GOLGA8A: variants seen among roughly 807,000 people sequenced by gnomAD.
GOLGA8A encodes the protein golgin A8 family member A.
Under a neutral mutation model 22.1 loss-of-function variants are expected in GOLGA8A, and 3 were observed. That is an observed-to-expected ratio of 0.14 (90% CI 0.06 to 0.35). The LOEUF (loss-of-function observed/expected upper bound fraction) is 0.35, where lower values mean the gene tolerates loss of function less well. GOLGA8A is among the 10% of genes least tolerant of loss of function. The pLI is 1.00. For missense variants in GOLGA8A, 16 were observed against 233.2 expected (o/e 0.07, Z 6.07); for synonymous variants, 7 against 91.7 (o/e 0.08, Z 5.28).
intron 2 of GOLGA8A, among the ~76,000 whole-genome samples, chr15:34,423,088 CCAGG>C (rs1188762315): frequency 3.1e-5 from 4 of 128,848 alleles, no homozygotes; most frequent in Non-Finnish European, 6.9e-5. Flanking sequence ...TAACAAACAC[CCAGG>C]CCTTGGACCC....
chr15:34,431,720 G>A lies in GOLGA8A; in HGVS notation c.-1123+3663C>T, dbSNP rs1210233950. On this transcript the variant is annotated intron_variant, in intron 2 of 24. Transcript: ENST00000359187. Reference sequence around the variant, plus strand: ...GGAAGTTGCTCGGGTGAGTCAGTCCGTACACTAGTGCAGACTTTATAGACA... The same window carrying A: ...GGAAGTTGCTCGGGTGAGTCAGTCCATACACTAGTGCAGACTTTATAGACA... Among the ~76,000 whole-genome samples the A allele has an allele frequency of 9.4e-5, 14 of 148,542 alleles. 1 individual carries two copies. The highest frequency in any genetic ancestry group is 6.8e-4 in the Admixed American group (10 of 14,730).
chr15:34,425,665 G>A lies in GOLGA8A; in HGVS notation c.-1123+9718C>T, dbSNP rs1226825516. Among the ~76,000 whole-genome samples, 3 of 145,088 alleles carry A rather than the reference G, an allele frequency of 2.1e-5. 1 individual carries two copies. The highest frequency in any genetic ancestry group is 4.6e-5 in the Non-Finnish European group (3 of 65,828). ...CAAATTCAAAGGACAAGTGGCATCT[G>A]AGAGAAAATATCCGCAATATATATA... On this transcript the variant is annotated intron_variant, in intron 2 of 24. Transcript: ENST00000359187.
chr15:34,405,669 G>A (rs1245040338), intron 4 of GOLGA8A, among the ~76,000 whole-genome samples: 2 of 140,596 alleles, frequency 1.4e-5, no homozygotes, highest in Non-Finnish European at 3.2e-5. Flanking sequence ...CTCTTGGAAG[G>A]ATCTCTTTTA....
intron 2 of GOLGA8A, among the ~76,000 whole-genome samples, chr15:34,424,259 AC>A (rs1892894787): frequency 1.5e-5 from 2 of 132,308 alleles, no homozygotes; most frequent in African/African-American, 5.7e-5. Context: ...AGCTACAGGG[AC>A]CCCCAGTCAA....
chr15:34,436,557 T>G (rs1481229966), intron 1 of GOLGA8A, among the ~76,000 whole-genome samples: 2 of 150,060 alleles, frequency 1.3e-5, no homozygotes, highest in East Asian at 3.9e-4. Flanking sequence ...GGCTCTGCTC[T>G]CCACTGGGGT....
chr15:34,437,297 G>C (rs868147816), intron 1 of GOLGA8A, 101 bp downstream of exon 1: 2 of 144,762 alleles, frequency 1.4e-5, no homozygotes, highest in East Asian at 4.2e-4. Flanking sequence ...TTGGCCCGCA[G>C]CTTACGCGCC....
At position 34,436,748 on chromosome 15, in the gene GOLGA8A, G is replaced by A. The variant is rs1390340386; in HGVS notation, c.-1212+650C>T. 3.3e-5 allele frequency among the ~76,000 whole-genome samples: 5 copies of A among 150,050 alleles called. No homozygotes were observed. In the Admixed American group the frequency reaches 3.3e-4, roughly 10 times the overall value. ...CCATCTGCGGCCAGATCTCCCTCCA[G>A]CAGCCTTGCCAGGCAGTGCCTGGCG... On this transcript the variant is annotated intron_variant, in intron 1 of 24. Transcript: ENST00000359187.
At chr15:34,429,440 T>C (rs979876142) in intron 2 of GOLGA8A, among the ~76,000 whole-genome samples, 2 of 146,362 alleles carry the variant, frequency 1.4e-5, no homozygotes, top group Non-Finnish European at 3.0e-5. Context: ...AGGCTGGCCC[T>C]TCTGCCGAGA....
At chr15:34,434,028 G>A (rs1403702166) in intron 2 of GOLGA8A, among the ~76,000 whole-genome samples, 3 of 148,890 alleles carry the variant, frequency 2.0e-5, no homozygotes, top group African/African-American at 5.0e-5. Flanking sequence ...TGGCAAATCC[G>A]AGGACCAAGG....
intron 2 of GOLGA8A, among the ~76,000 whole-genome samples, chr15:34,431,411 C>T (rs537441266): frequency 1.4e-5 from 2 of 143,912 alleles, no homozygotes; most frequent in African/African-American, 5.2e-5. Flanking sequence ...ATCACACACA[C>T]ACTCATGCGT....
intron 2 of GOLGA8A, among the ~76,000 whole-genome samples, chr15:34,434,077 G>A (rs368592722): frequency 1.3e-5 from 2 of 149,402 alleles, no homozygotes; most frequent in East Asian, 3.9e-4. Flanking sequence ...AGGATCTCCG[G>A]GATGGACATG....
chr15:34,421,452 T>C lies in GOLGA8A; in HGVS notation c.-1122-13717A>G, dbSNP rs1169226328. On this transcript the variant is annotated intron_variant, in intron 2 of 24. Coordinates refer to ENST00000359187, the MANE Select transcript of GOLGA8A (RefSeq NM_181077.5). ...TTTAAAATTGAAAATCAAAGAGCCATTCCTCAGTGATACCCAGGAAATGAC... is the reference window on the plus strand; with the variant it reads ...TTTAAAATTGAAAATCAAAGAGCCACTCCTCAGTGATACCCAGGAAATGAC... Among the ~76,000 whole-genome samples the C allele has an allele frequency of 2.9e-5, 4 of 139,938 alleles. 1 individual carries two copies. Among genetic ancestry groups the C allele is most frequent in the Non-Finnish European group, 6.2e-5 (4 of 64,944 alleles). The allele number at this position is 139,938 out of a possible 152,430, so 91.8% of individuals were successfully genotyped here. A position where few individuals can be genotyped will look rare whatever the true frequency, so the allele number is the denominator to read the frequency against.
rs181679330 is a variant in GOLGA8A at position 34,379,704 on chromosome 15, C to A, written c.*1707G>T. The A allele has an allele frequency of 9.1e-3, 1,396 of 152,726 alleles. 7 individuals carry two copies. Among genetic ancestry groups the A allele is most frequent in the Non-Finnish European group, 0.015 (1,018 of 68,028 alleles). The allele number at this position is 152,726 out of a possible 1,614,324, so 9.5% of individuals were successfully genotyped here. On this transcript the variant is annotated 3_prime_UTR_variant, in exon 25 of 25. Coordinates refer to ENST00000359187, the MANE Select transcript of GOLGA8A (RefSeq NM_181077.5). ...AAACTCCCCACCCCAGGGAGCACACCTACATATCTCCCTACAACCTAATAA... is the reference window on the plus strand; with the variant it reads ...AAACTCCCCACCCCAGGGAGCACACATACATATCTCCCTACAACCTAATAA...
chr15:34,379,222 T>C lies in GOLGA8A; in HGVS notation c.*2189A>G, dbSNP rs1059934. ...ATTCATTCTAAGAAAACTTGGCAAA[T>C]AACGCTTTGGCCTGGAATTGGCATT... On this transcript the variant is annotated 3_prime_UTR_variant, in exon 25 of 25. Transcript: ENST00000359187. 2.0e-5 allele frequency: 3 copies of C among 152,654 alleles called. No individual in the cohort carries two copies. The highest frequency in any genetic ancestry group is 1.3e-4 in the Admixed American group (2 of 15,284). The allele number at this position is 152,654 out of a possible 1,614,324, so 9.5% of individuals were successfully genotyped here.
In GOLGA8A at chr15:34,426,734, G is replaced by C. The variant is rs1266024656; in HGVS notation, c.-1123+8649C>G. Among the ~76,000 whole-genome samples, 2 of 143,742 alleles carry C rather than the reference G, an allele frequency of 1.4e-5. 1 individual carries two copies. Among genetic ancestry groups the C allele is most frequent in the Non-Finnish European group, 3.1e-5 (2 of 65,448 alleles). The allele number at this position is 143,742 out of a possible 152,430, so 94.3% of individuals were successfully genotyped here. ...AGAGATACAAGATAATTGCGAGAAG[G>C]CAAAATTTTTTTAAAACAGAGACAT... On this transcript the variant is annotated intron_variant, in intron 2 of 24. Transcript: ENST00000359187.
intron 2 of GOLGA8A, among the ~76,000 whole-genome samples, chr15:34,430,443 C>T (rs1343714021): frequency 6.7e-5 from 10 of 149,016 alleles, no homozygotes; most frequent in Admixed American, 1.4e-4. Flanking sequence ...TCGACTTCAC[C>T]CAATGCCATT....
At chr15:34,434,226 G>C (rs575258635) in intron 2 of GOLGA8A, among the ~76,000 whole-genome samples, 21 of 149,480 alleles carry the variant, frequency 1.4e-4, no homozygotes, top group African/African-American at 5.2e-4. Flanking sequence ...ATCAGGCCGA[G>C]ACACATGGAT....
At chr15:34,423,034 C>T (rs1472537284) in intron 2 of GOLGA8A, among the ~76,000 whole-genome samples, 1 of 131,868 alleles carries the variant, frequency 7.6e-6, no homozygotes, top group East Asian at 2.3e-4. Context: ...CATTTGGGGA[C>T]CGCAACAGAG....
At position 34,382,430 on chromosome 15, in the gene GOLGA8A, CCTT is replaced by C; in HGVS notation, c.1204_1206del (p.Lys402del). On this transcript the variant is annotated inframe_deletion, in exon 21 of 25. Coordinates refer to ENST00000359187, the MANE Select transcript of GOLGA8A (RefSeq NM_181077.5). ...GAGGCTGGGACTGCTGCCTCTGGCT[CCTT>C]CTCGGCCGAGGTGAGCGTCTCCATC... 2 of 4,826 alleles carry C rather than the reference CCTT, an allele frequency of 4.1e-4. No individual in the cohort carries two copies. Among genetic ancestry groups the C allele is most frequent in the Admixed American group, 1.2e-3 (2 of 1,616 alleles). The allele number at this position is 4,826 out of a possible 1,614,324, so 0.3% of individuals were successfully genotyped here. A position where few individuals can be genotyped will look rare whatever the true frequency, so the allele number is the denominator to read the frequency against.
Sources: allele counts gnomAD v4.1 joint callset (sites outside exome capture counted in the v4.1 genomes callset), GRCh38; gene constraint gnomAD v4.1.1; transcripts MANE v1.5; gene names NCBI Gene and HGNC (gene_info 2026-07-23, HGNC 2026-07-21).